The following RAPGEF5 variants were observed in gnomAD, a reference collection of about 807,000 sequenced individuals.
The protein encoded by RAPGEF5 is M-Ras-regulated GEF.
A neutral mutation model predicts 125.2 loss-of-function variants in RAPGEF5; 65 were observed. That is an observed-to-expected ratio of 0.52 (90% CI 0.43 to 0.64). The LOEUF is 0.64. Ranked by LOEUF, RAPGEF5 falls within the 30% of genes least tolerant of loss-of-function variation. The pLI is 0.00. For synonymous variants in RAPGEF5, 391 were observed against 385.9 expected, an observed-to-expected ratio of 1.01 and a Z score of -0.16; for missense variants, 958 against 1,048.1, an observed-to-expected ratio of 0.91 and a Z score of 1.19.
intron 8 of RAPGEF5, among the ~76,000 whole-genome samples, chr7:22,228,857 T>C (rs1395411621): frequency 6.6e-6 from 1 of 152,066 alleles, no homozygotes; most frequent in Non-Finnish European, 1.5e-5. Flanking sequence ...ATCCAGGCAG[T>C]GTGGCCCCAG....
chr7:22,246,750 T>G (rs1444049882), intron 7 of RAPGEF5, among the ~76,000 whole-genome samples: 4 of 151,166 alleles, frequency 2.6e-5, no homozygotes, highest in Admixed American at 2.6e-4. Context: ...AACTAAAGAG[T>G]TTCTGGACAG....
At chr7:22,333,377 A>C (rs1429879143) in intron 1 of RAPGEF5, among the ~76,000 whole-genome samples, 1 of 152,242 alleles carries the variant, frequency 6.6e-6, no homozygotes, top group East Asian at 1.9e-4. Flanking sequence ...TGTTTTTTTA[A>C]GTAAAGCTTC....
rs1042856206 is a variant in RAPGEF5 at position 22,120,564 on chromosome 7, G to T, written c.*1842C>A. ...AGCCCATGCTATTGTTAGTAACTGC[G>T]TGAGGAGGGCTTTGGAGGGTTTGCT... On this transcript the variant is annotated 3_prime_UTR_variant, in exon 26 of 26. Transcript: ENST00000665637. This position sits in a 1 kb window ranked among gnomAD's most constrained non-coding sequence, Gnocchi z 4.0. 3 of 152,672 alleles carry T rather than the reference G, an allele frequency of 2.0e-5. No homozygotes were observed. Among genetic ancestry groups the T allele is most frequent in the Non-Finnish European group, 2.9e-5 (2 of 68,082 alleles). 9.5% of individuals were successfully genotyped at this position (152,672 alleles called of 1,614,324 possible).
intron 7 of RAPGEF5, among the ~76,000 whole-genome samples, chr7:22,237,453 A>T (rs1207282324): frequency 6.8e-6 from 1 of 148,000 alleles, no homozygotes; most frequent in Non-Finnish European, 1.5e-5. Context: ...TTTCCTCAGG[A>T]AACAACCTTT....
chr7:22,291,113 C>T (rs1037674777), intron 6 of RAPGEF5, 62 bp downstream of exon 6: 8 of 1,494,314 alleles, frequency 5.4e-6, no homozygotes, highest in Admixed American at 2.6e-5. Flanking sequence ...AAAGAACTTC[C>T]CTTCTAGGAC....
At position 22,193,678 on chromosome 7, in the gene RAPGEF5, C is replaced by T. The variant is rs779194990; in HGVS notation, c.1116-223G>A. 20 of 1,550,916 alleles carry T rather than the reference C, an allele frequency of 1.3e-5. No individual in the cohort carries two copies. The South Asian group carries it at 2.1e-4, about 17-fold the overall frequency. On this transcript the variant is annotated intron_variant, in intron 10 of 25. Transcript: ENST00000665637. Reference sequence around the variant, plus strand: ...GCTGCCCATTGTGAACGGTTACTAACAAAGGCATCCCCTAAATGCTAAAAG... The same window carrying T: ...GCTGCCCATTGTGAACGGTTACTAATAAAGGCATCCCCTAAATGCTAAAAG...
At chr7:22,300,512 T>C (rs1021579502) in intron 5 of RAPGEF5, among the ~76,000 whole-genome samples, 1 of 152,248 alleles carries the variant, frequency 6.6e-6, no homozygotes. Flanking sequence ...CTGTATTATA[T>C]CCTGGCCATT....
chr7:22,158,132 A>G (rs1157203072), intron 14 of RAPGEF5, among the ~76,000 whole-genome samples: 1 of 152,250 alleles, frequency 6.6e-6, no homozygotes, highest in Non-Finnish European at 1.5e-5. Context: ...CAGAAAGTAA[A>G]GCTCAGAAGT....
At chr7:22,173,787 GA>G (rs1376071915) in intron 11 of RAPGEF5, among the ~76,000 whole-genome samples, 3 of 152,182 alleles carry the variant, frequency 2.0e-5, no homozygotes, top group Admixed American at 6.5e-5. Context: ...GGCACTCAGA[GA>G]AAGGGTGCAG....
chr7:22,153,888 T>A (rs939864722), intron 17 of RAPGEF5, among the ~76,000 whole-genome samples: 1 of 152,204 alleles, frequency 6.6e-6, no homozygotes, highest in African/African-American at 2.4e-5. Context: ...CAGCTTGTAA[T>A]CTGTGTGATC....
intron 22 of RAPGEF5, 42 bp downstream of exon 22, chr7:22,136,891 A>G (rs1177402000): frequency 6.8e-7 from 1 of 1,474,896 alleles, no homozygotes; most frequent in East Asian, 2.3e-5. Context: ...AGACCCTAGC[A>G]ATTATTTTGA....
intron 11 of RAPGEF5, among the ~76,000 whole-genome samples, chr7:22,175,102 T>C (rs975510393): frequency 6.6e-6 from 1 of 152,114 alleles, no homozygotes; most frequent in Non-Finnish European, 1.5e-5. Flanking sequence ...GAGAAACGAA[T>C]GTACAGTCAA....
chr7:22,173,985 G>A (rs983555753), intron 11 of RAPGEF5, among the ~76,000 whole-genome samples: 12 of 152,034 alleles, frequency 7.9e-5, no homozygotes, highest in African/African-American at 1.7e-4. Flanking sequence ...GAAATCTAAC[G>A]GGGTAGCCTA....
intron 9 of RAPGEF5, chr7:22,194,525 T>A: frequency 2.2e-6 from 2 of 906,250 alleles, no homozygotes; most frequent in African/African-American, 1.8e-5. Flanking sequence ...TCATTTACTT[T>A]ACACCCTTAC....
intron 3 of RAPGEF5, among the ~76,000 whole-genome samples, chr7:22,311,453 G>A (rs1290498735): frequency 1.3e-5 from 2 of 152,094 alleles, no homozygotes; most frequent in Admixed American, 1.3e-4. Context: ...GATTGGCATA[G>A]TTACAAATAC....
At chr7:22,350,668 AT>A (rs1397628457) in intron 1 of RAPGEF5, among the ~76,000 whole-genome samples, 4 of 152,216 alleles carry the variant, frequency 2.6e-5, no homozygotes, top group Non-Finnish European at 5.9e-5. Context: ...GGATCTAATT[AT>A]GTCACCAAAG....
chr7:22,338,519 A>G (rs921422568), intron 1 of RAPGEF5, among the ~76,000 whole-genome samples: 6 of 152,238 alleles, frequency 3.9e-5, no homozygotes, highest in Non-Finnish European at 7.3e-5. Flanking sequence ...GTAGCTAAGG[A>G]CTGGGATAAT....
chr7:22,197,902 G>GA (rs1554327467), intron 9 of RAPGEF5, among the ~76,000 whole-genome samples: 1 of 143,326 alleles, frequency 7.0e-6, no homozygotes, highest in Non-Finnish European at 1.5e-5. Context: ...TTGGGGGGGG[G>GA]TGGTAGGAGG....
chr7:22,250,287 G>A (rs957725013), intron 7 of RAPGEF5, among the ~76,000 whole-genome samples: 1 of 152,056 alleles, frequency 6.6e-6, no homozygotes, highest in Non-Finnish European at 1.5e-5. Context: ...TAGAACCAGG[G>A]CTTGCTTATC....
Sources: gnomAD v4.1 joint callset for allele counts (sites outside exome capture counted in the v4.1 genomes callset) on GRCh38, gnomAD v4.1.1 for gene constraint, Gnocchi (gnomAD v3.1) non-coding constraint, MANE v1.5 for transcripts, NCBI Gene and HGNC (gene_info 2026-07-23, HGNC 2026-07-21) for gene names.